Variants in RERE observed in about 807,000 individuals in gnomAD.
RERE encodes arginine-glutamic acid dipeptide repeats protein.
Under a neutral mutation model 146.1 loss-of-function variants are expected in RERE, and 40 were observed. That is an observed-to-expected ratio of 0.27 (90% CI 0.21 to 0.36). The LOEUF is 0.36. RERE is among the 10% of genes least tolerant of loss of function. The pLI, the probability that RERE is intolerant of heterozygous loss-of-function variation, is 1.00. For missense variants in RERE, 1,933 were observed against 2,138.7 expected (o/e 0.90, Z 1.90); for synonymous variants, 1,003 against 866.0 (o/e 1.16, Z -2.78).
chr1:8,733,472 C>T (rs1216225067), intron 1 of RERE, among the ~76,000 whole-genome samples: 3 of 152,228 alleles, frequency 2.0e-5, no homozygotes, highest in Non-Finnish European at 4.4e-5. Context: ...TCATAAAAGA[C>T]ATTGCAGCTT....
At chr1:8,681,066 G>A (rs934139771) in intron 1 of RERE, among the ~76,000 whole-genome samples, 2 of 152,072 alleles carry the variant, frequency 1.3e-5, no homozygotes, top group Admixed American at 6.5e-5. Flanking sequence ...CGAGGTCCCG[G>A]GAAACAAATT....
At chr1:8,614,357 A>G (rs191977739) in intron 4 of RERE, among the ~76,000 whole-genome samples, 1 of 151,454 alleles carries the variant, frequency 6.6e-6, no homozygotes, top group Non-Finnish European at 1.5e-5. Flanking sequence ...CTTCCACCAA[A>G]CCCCGCTAAC....
intron 1 of RERE, among the ~76,000 whole-genome samples, chr1:8,804,916 T>C (rs2124596396): frequency 6.6e-6 from 1 of 152,256 alleles, no homozygotes; most frequent in South Asian, 2.1e-4. Flanking sequence ...AATCTAATCC[T>C]ATCTAACACA....
chr1:8,659,719 A>G (rs1205323051), intron 1 of RERE, among the ~76,000 whole-genome samples: 2 of 152,248 alleles, frequency 1.3e-5, no homozygotes, highest in South Asian at 2.1e-4. Flanking sequence ...AACACTTCTG[A>G]TAACTTTAAG....
At chr1:8,723,808 AAAG>A (rs1337313108) in intron 1 of RERE, among the ~76,000 whole-genome samples, 1 of 152,250 alleles carries the variant, frequency 6.6e-6, no homozygotes, top group Non-Finnish European at 1.5e-5. Flanking sequence ...TTTCAGATAA[AAAG>A]AAGGACTGAA....
At position 8,358,635 on chromosome 1, in the gene RERE, G is replaced by A. The variant is rs748840495; in HGVS notation, c.3900C>T (p.Arg1300=). 13 of 1,586,458 alleles carry A rather than the reference G, an allele frequency of 8.2e-6. No homozygotes were observed. In the East Asian group the frequency reaches 8.9e-5, roughly 11 times the overall value. ...PGLYNVDPTI[R]ERELREREIR... is the part of the protein sequence containing the mutation. Reference sequence around the variant, plus strand: ...TCTCCCGCTCCCGGAGCTCCCGCTCGCGGATGGTGGGGTCGACGTTGTAGA... The same window carrying A: ...TCTCCCGCTCCCGGAGCTCCCGCTCACGGATGGTGGGGTCGACGTTGTAGA... The change falls in exon 20 of 23, where the codon CGC becomes CGT. Residue 1300 remains arginine, a synonymous_variant. Transcript: ENST00000400908.
intron 1 of RERE, among the ~76,000 whole-genome samples, chr1:8,759,393 G>A (rs1023931926): frequency 3.9e-5 from 6 of 152,218 alleles, no homozygotes; most frequent in African/African-American, 1.4e-4. Flanking sequence ...AAGCACACAA[G>A]TGAAACAAGC....
Position 8,356,032 on chromosome 1 carries a change from G to A in RERE, c.4486+68C>T, listed in dbSNP as rs991950975. The A allele has an allele frequency of 3.5e-6, 5 of 1,415,520 alleles. No individual in the cohort carries two copies. The Admixed American group carries it at 1.4e-4, about 40-fold the overall frequency. 87.7% of individuals were successfully genotyped at this position (1,415,520 alleles called of 1,614,324 possible). On this transcript the variant is annotated intron_variant, in intron 21 of 22. Coordinates refer to ENST00000400908, the MANE Select transcript of RERE (RefSeq NM_001042681.2). The surrounding 1 kb of genome is among the most constrained non-coding windows in gnomAD (Gnocchi z 5.2). ...AATGAATGAATGAGTAATGAATGAA[G>A]ACAGCAGACCAGACCCCAACCCAAC...
chr1:8,631,636 T>G (rs1383895158), intron 2 of RERE, among the ~76,000 whole-genome samples: 1 of 152,182 alleles, frequency 6.6e-6, no homozygotes, highest in African/African-American at 2.4e-5. Flanking sequence ...CTGTAAGCAC[T>G]CTCATCTCCT....
intron 8 of RERE, among the ~76,000 whole-genome samples, chr1:8,507,184 G>A (rs116172825): frequency 7.2e-5 from 11 of 152,314 alleles, no homozygotes; most frequent in African/African-American, 2.6e-4. Flanking sequence ...AGGCAGGTTG[G>A]ACTGCTTCAG....
chr1:8,659,827 C>T (rs938109005), intron 1 of RERE, among the ~76,000 whole-genome samples: 1 of 152,126 alleles, frequency 6.6e-6, no homozygotes, highest in Non-Finnish European at 1.5e-5. Context: ...ATAGTAAGTC[C>T]AAATTGTACA....
At chr1:8,681,525 A>G (rs1376932795) in intron 1 of RERE, among the ~76,000 whole-genome samples, 1 of 152,204 alleles carries the variant, frequency 6.6e-6, no homozygotes, top group Non-Finnish European at 1.5e-5. Flanking sequence ...TTCCATATAT[A>G]CTGTTCTACT....
intron 10 of RERE, among the ~76,000 whole-genome samples, chr1:8,471,973 G>A (rs1159474069): frequency 3.3e-5 from 5 of 152,054 alleles, no homozygotes; most frequent in Non-Finnish European, 7.4e-5. Context: ...CACCACGCCC[G>A]GCTAATTTTT....
intron 15 of RERE, among the ~76,000 whole-genome samples, chr1:8,363,492 C>T (rs1450600439): frequency 1.3e-5 from 2 of 152,174 alleles, no homozygotes; most frequent in Non-Finnish European, 2.9e-5. Flanking sequence ...GTCCCACCCA[C>T]CTGCCAGAAG....
chr1:8,645,962 T>G (rs147090518), intron 2 of RERE, among the ~76,000 whole-genome samples: 22 of 152,330 alleles, frequency 1.4e-4, no homozygotes, highest in African/African-American at 5.1e-4. Flanking sequence ...ATGTAATCCA[T>G]AACTAAAAGT....
chr1:8,532,470 G>T (rs1645669762), intron 7 of RERE, among the ~76,000 whole-genome samples: 2 of 152,092 alleles, frequency 1.3e-5, no homozygotes, highest in Non-Finnish European at 1.5e-5. Flanking sequence ...ACCCAGGCTG[G>T]AGTGCAATGG....
chr1:8,355,626 AC>A, intron 21 of RERE, 27 bp from the exon 22 acceptor site: 1 of 1,547,174 alleles, frequency 6.5e-7, no homozygotes, highest in Non-Finnish European at 8.7e-7. Context: ...AACCTGCGCT[AC>A]AGAAATAGCC....
intron 1 of RERE, among the ~76,000 whole-genome samples, chr1:8,726,400 G>A (rs962579627): frequency 6.6e-6 from 1 of 151,940 alleles, no homozygotes; most frequent in Non-Finnish European, 1.5e-5. Context: ...TGATCCACCC[G>A]CCTCGGCCTC....
chr1:8,599,497 T>A (rs774813758), intron 4 of RERE, among the ~76,000 whole-genome samples: 1 of 152,172 alleles, frequency 6.6e-6, no homozygotes, highest in Non-Finnish European at 1.5e-5. Flanking sequence ...TGTCCAACCC[T>A]CTTTTAATAA....
Sources: gnomAD v4.1 joint callset for allele counts (sites outside exome capture counted in the v4.1 genomes callset) on GRCh38, gnomAD v4.1.1 for gene constraint, Gnocchi (gnomAD v3.1) non-coding constraint, MANE v1.5 for transcripts, NCBI Gene and HGNC (gene_info 2026-07-23, HGNC 2026-07-21) for gene names.